The following MAGI1 variants were observed in gnomAD, a reference collection of about 807,000 sequenced individuals.
The protein encoded by MAGI1 is membrane-associated guanylate kinase, WW and PDZ domain-containing protein 1.
Under a neutral mutation model 139.9 loss-of-function variants are expected in MAGI1, and 58 were observed. The ratio of observed to expected loss-of-function variants is 0.41; its 90% confidence interval spans 0.34 to 0.52. MAGI1 has a LOEUF of 0.52. Among genes scored for constraint, MAGI1 ranks in the 20% least tolerant of loss-of-function variants. The pLI is 0.12. For synonymous variants in MAGI1, 812 were observed against 737.9 expected, an observed-to-expected ratio of 1.10 and a Z score of -1.63; for missense variants, 1,874 against 1,901.6, an observed-to-expected ratio of 0.99 and a Z score of 0.27.
intron 12 of MAGI1, among the ~76,000 whole-genome samples, chr3:65,425,366 T>G (rs1946961674): frequency 6.6e-6 from 1 of 152,082 alleles, no homozygotes; most frequent in South Asian, 2.1e-4. Context: ...TTGCCTAAAG[T>G]CACAATGCAA....
chr3:65,651,569 T>C (rs1576603939), intron 1 of MAGI1, among the ~76,000 whole-genome samples: 1 of 152,142 alleles, frequency 6.6e-6, no homozygotes, highest in African/African-American at 2.4e-5. Context: ...TTGCCAGTCA[T>C]GTGGAATCAG....
At position 65,470,407 on chromosome 3, in the gene MAGI1, G is replaced by A. The variant is rs766571470; in HGVS notation, c.835C>T (p.Pro279Ser). The part of the protein sequence containing the change: ...PPVNSSIIAA[P>S]ITDPSQKFPQ... Reference sequence around the variant, plus strand: ...AACTTCTGAGAAGGGTCCGTGATGGGAGCAGCGATGATGCTACTATTCACA... The same window carrying A: ...AACTTCTGAGAAGGGTCCGTGATGGAAGCAGCGATGATGCTACTATTCACA... Residue 279 changes from proline (P) to serine (S), a missense_variant, in exon 5 of 23, where the codon CCC becomes TCC. This residue lies in a region of MAGI1 where 648 missense variants were observed against 598.1 expected (regional missense o/e 1.08). Coordinates refer to ENST00000402939, the MANE Select transcript of MAGI1 (RefSeq NM_001033057.2). 1.7e-5 allele frequency: 28 copies of A among 1,613,506 alleles called. No individual in the cohort carries two copies. Among genetic ancestry groups the A allele is most frequent in the African/African-American group, 1.2e-4 (9 of 74,850 alleles).
intron 1 of MAGI1, among the ~76,000 whole-genome samples, chr3:65,950,727 A>C (rs1185023680): frequency 1.3e-5 from 2 of 152,152 alleles, no homozygotes; most frequent in African/African-American, 4.8e-5. Flanking sequence ...TGGTCGGCAA[A>C]AGCCACCACT....
At chr3:65,521,180 G>T (rs567107761) in intron 2 of MAGI1, among the ~76,000 whole-genome samples, 39 of 151,784 alleles carry the variant, frequency 2.6e-4, no homozygotes, top group African/African-American at 9.5e-4. Context: ...ACAGATCTCT[G>T]TTAGAGATAC....
chr3:66,012,673 G>C (rs2067385535), intron 1 of MAGI1, among the ~76,000 whole-genome samples: 1 of 151,696 alleles, frequency 6.6e-6, no homozygotes, highest in Non-Finnish European at 1.5e-5. Context: ...GGCTGAGGCA[G>C]GAGAACAACT....
chr3:66,025,999 A>C (rs1361477913), intron 1 of MAGI1, among the ~76,000 whole-genome samples: 2 of 152,196 alleles, frequency 1.3e-5, no homozygotes, highest in African/African-American at 4.8e-5. Context: ...TTATAAAATA[A>C]AATGTTAAAA....
At chr3:65,842,864 C>T (rs2058854823) in intron 1 of MAGI1, among the ~76,000 whole-genome samples, 1 of 152,184 alleles carries the variant, frequency 6.6e-6, no homozygotes, top group African/African-American at 2.4e-5. Context: ...TCTCTACTTA[C>T]TCTTAGACTG....
chr3:65,708,891 A>T (rs1440673849), intron 1 of MAGI1, among the ~76,000 whole-genome samples: 1 of 152,128 alleles, frequency 6.6e-6, no homozygotes, highest in African/African-American at 2.4e-5. Context: ...GAAACGGTAA[A>T]TCCACCCAAG....
intron 1 of MAGI1, among the ~76,000 whole-genome samples, chr3:65,905,556 A>G (rs1478165538): frequency 6.6e-6 from 1 of 151,876 alleles, no homozygotes; most frequent in Non-Finnish European, 1.5e-5. Flanking sequence ...CGCCCACATC[A>G]GTCTTGAACT....
At chr3:65,811,774 A>C (rs1172741879) in intron 1 of MAGI1, among the ~76,000 whole-genome samples, 1 of 151,962 alleles carries the variant, frequency 6.6e-6, no homozygotes, top group Non-Finnish European at 1.5e-5. Context: ...GTACCAGTCC[A>C]TTCTTGCCCA....
intron 2 of MAGI1, among the ~76,000 whole-genome samples, chr3:65,521,701 C>G (rs1269276411): frequency 6.6e-6 from 1 of 152,112 alleles, no homozygotes; most frequent in South Asian, 2.1e-4. Context: ...CTTTGCCATA[C>G]ATTAATGAGT....
At chr3:65,641,413 A>T (rs577499828) in intron 1 of MAGI1, among the ~76,000 whole-genome samples, 15 of 152,304 alleles carry the variant, frequency 9.8e-5, no homozygotes, top group African/African-American at 3.6e-4. Flanking sequence ...ATAGGGAAGG[A>T]CTAGGCATCG....
chr3:65,624,298 C>CA lies in MAGI1; in HGVS notation c.314-2211dup, dbSNP rs879816889. Among the ~76,000 whole-genome samples the CA allele has an allele frequency of 5.7e-3, 834 of 145,168 alleles. 8 individuals carry two copies. Among genetic ancestry groups the CA allele is most frequent in the African/African-American group, 0.018 (722 of 39,832 alleles). On this transcript the variant is annotated intron_variant, in intron 1 of 22. Transcript: ENST00000402939. The stretch of plus-strand genomic sequence containing the variant: ...CATGACAGAAATGAAAACAAGTCCA[C>CA]AAAAAAAAAAATCTCGTAGATGAAT...
chr3:65,509,675 T>G (rs62255286), intron 2 of MAGI1, among the ~76,000 whole-genome samples: 9,562 of 152,116 alleles, frequency 0.063, 406 homozygotes, highest in Non-Finnish European at 0.093. Context: ...TCTCGCTGAT[T>G]GCTAGCACAG....
At position 65,363,608 on chromosome 3, in the gene MAGI1, C is replaced by T. The variant is rs201532034; in HGVS notation, c.3352G>A (p.Glu1118Lys). The T allele has an allele frequency of 6.2e-6, 10 of 1,612,298 alleles. No individual in the cohort carries two copies. Among genetic ancestry groups the T allele is most frequent in the African/African-American group, 1.3e-5 (1 of 74,792 alleles). Residue 1118 changes from glutamate to lysine, a missense_variant and splice_region_variant, in exon 21 of 23, where the codon GAG (glutamate) becomes AAG (lysine). Around this residue, in one of 5 missense-constraint regions of MAGI1, gnomAD observed 653 missense variants for 644.5 expected, o/e 1.01. Transcript: ENST00000402939. ...AGTTCCACAGTGTAAAAATCTTGCTCCTATTTAAAGAAATTAAATGCAATC... is the reference window on the plus strand; with the variant it reads ...AGTTCCACAGTGTAAAAATCTTGCTTCTATTTAAAGAAATTAAATGCAATC... ...FEFKAPQATQEQDFYTVELER... is the reference protein window; with the variant it reads ...FEFKAPQATQKQDFYTVELER...
chr3:65,401,933 A>T (rs1243491106), intron 12 of MAGI1: 11 of 983,468 alleles, frequency 1.1e-5, no homozygotes, highest in Non-Finnish European at 1.3e-5. Context: ...AAAATTAAAA[A>T]AATTTTTTTG....
At chr3:65,955,587 G>A (rs1243187441) in intron 1 of MAGI1, among the ~76,000 whole-genome samples, 1 of 152,110 alleles carries the variant, frequency 6.6e-6, no homozygotes, top group East Asian at 1.9e-4. Context: ...GATGAATATC[G>A]CTGCTAGGAG....
chr3:66,015,390 G>A (rs543128264), intron 1 of MAGI1, among the ~76,000 whole-genome samples: 1 of 151,890 alleles, frequency 6.6e-6, no homozygotes, highest in African/African-American at 2.4e-5. Flanking sequence ...TGTGGACGCA[G>A]CCAACCCCCT....
chr3:65,439,778 C>T, intron 9 of MAGI1, 101 bp downstream of exon 9: 5 of 1,577,952 alleles, frequency 3.2e-6, no homozygotes, highest in Non-Finnish European at 4.3e-6. Context: ...CAAGAGAGGA[C>T]TCAATCATCG....
Sources: gnomAD v4.1 joint callset for allele counts (sites outside exome capture counted in the v4.1 genomes callset) on GRCh38, gnomAD v4.1.1 for gene constraint, gnomAD v4.1.1 regional missense constraint, MANE v1.5 for transcripts, NCBI Gene and HGNC (gene_info 2026-07-23, HGNC 2026-07-21) for gene names.